Variants in ATP8A2 observed in about 807,000 individuals in gnomAD.
The protein encoded by ATP8A2 is phospholipid-transporting ATPase IB.
A neutral mutation model predicts 165.6 loss-of-function variants in ATP8A2; 100 were observed. That is an observed-to-expected ratio of 0.60 (90% confidence interval 0.51 to 0.71). The LOEUF (loss-of-function observed/expected upper bound fraction) is 0.71. ATP8A2 is among the 30% of genes least tolerant of loss of function. The pLI is 0.00. For synonymous variants in ATP8A2, 543 were observed against 548.8 expected, an observed-to-expected ratio of 0.99 and a Z score of 0.15; for missense variants, 1,227 against 1,479.5, an observed-to-expected ratio of 0.83 and a Z score of 2.80.
chr13:25,536,002 C>G (rs1468447357), intron 6 of ATP8A2, among the ~76,000 whole-genome samples: 2 of 151,982 alleles, frequency 1.3e-5, no homozygotes, highest in Non-Finnish European at 1.5e-5. Context: ...AATCCACTGC[C>G]TTTTTTCATT....
At chr13:25,470,260 G>T (rs911798325) in intron 2 of ATP8A2, among the ~76,000 whole-genome samples, 6 of 152,114 alleles carry the variant, frequency 3.9e-5, no homozygotes, top group African/African-American at 1.4e-4. Flanking sequence ...GCTTTATTTT[G>T]GGTTTTAAGA....
chr13:25,902,925 T>C (rs1261058586), intron 33 of ATP8A2, among the ~76,000 whole-genome samples: 4 of 121,952 alleles, frequency 3.3e-5, no homozygotes, highest in African/African-American at 9.3e-5. Flanking sequence ...ACTGACTTTA[T>C]ACATCCTCAG....
At chr13:25,936,925 A>T (rs1954908482) in intron 33 of ATP8A2, among the ~76,000 whole-genome samples, 1 of 152,146 alleles carries the variant, frequency 6.6e-6, no homozygotes, top group Admixed American at 6.5e-5. Flanking sequence ...TGAACCACCC[A>T]CCTACAGCCC....
At chr13:26,019,223 G>A (rs568702911) in intron 36 of ATP8A2, among the ~76,000 whole-genome samples, 13 of 151,596 alleles carry the variant, frequency 8.6e-5, no homozygotes, top group Non-Finnish European at 1.3e-4. Flanking sequence ...GTGAAACCCC[G>A]TCTCTACTAA....
chr13:25,991,609 G>A (rs936805635), intron 35 of ATP8A2, among the ~76,000 whole-genome samples: 3 of 152,146 alleles, frequency 2.0e-5, no homozygotes, highest in Non-Finnish European at 4.4e-5. Flanking sequence ...GTAACCTTTT[G>A]TTAGTGACAT....
At chr13:25,796,085 G>A (rs1210817665) in intron 27 of ATP8A2, among the ~76,000 whole-genome samples, 1 of 151,974 alleles carries the variant, frequency 6.6e-6, no homozygotes, top group African/African-American at 2.4e-5. Context: ...TAGTAGCTGG[G>A]ATTACAAGCA....
At chr13:25,574,058 G>A (rs1225051350) in intron 18 of ATP8A2, among the ~76,000 whole-genome samples, 1 of 152,182 alleles carries the variant, frequency 6.6e-6, no homozygotes, top group Non-Finnish European at 1.5e-5. Context: ...GGTGCCAAAG[G>A]CCATGTTCTT....
At chr13:25,717,811 G>A (rs929122365) in intron 25 of ATP8A2, among the ~76,000 whole-genome samples, 5 of 152,168 alleles carry the variant, frequency 3.3e-5, no homozygotes, top group Admixed American at 1.3e-4. Context: ...TGCTGGTCTT[G>A]TAGTATGTGC....
rs374909135 is a variant in ATP8A2 at position 25,451,954 on chromosome 13, G to C, written c.77-17023G>C. ...ACTGTGACCTCCGCCTCCTGGGTTC[G>C]CGCCATTCTCCTGCCTCAGCCTCCC... On this transcript the variant is annotated intron_variant, in intron 1 of 36. Transcript: ENST00000381655. Among the ~76,000 whole-genome samples the C allele has an allele frequency of 4.6e-5, 7 of 150,764 alleles. No homozygotes were observed. The East Asian group carries it at 7.8e-4, about 17-fold the overall frequency.
chr13:25,655,817 A>G (rs553223995), intron 24 of ATP8A2, among the ~76,000 whole-genome samples: 11 of 152,294 alleles, frequency 7.2e-5, no homozygotes, highest in Non-Finnish European at 1.5e-4. Flanking sequence ...GTTTAAATGA[A>G]TCACTTATAA....
chr13:25,559,695 C>T, intron 14 of ATP8A2, 26 bp from the exon 15 acceptor site: 1 of 1,600,522 alleles, frequency 6.2e-7, no homozygotes, highest in Middle Eastern at 1.7e-4. Flanking sequence ...GTTTTGTGAC[C>T]ACTCTGTTTT....
At chr13:25,379,452 A>G (rs977336110) in intron 1 of ATP8A2, among the ~76,000 whole-genome samples, 6 of 152,158 alleles carry the variant, frequency 3.9e-5, no homozygotes, top group Non-Finnish European at 5.9e-5. Flanking sequence ...AATATCGGGG[A>G]GCAGTTCATT....
In ATP8A2 at chr13:25,837,563, C is replaced by T. The variant is rs559425494; in HGVS notation, c.2877+278C>T. ...CCAGTCCCAGCATGCTGACTCCTTCCCGCTTCTCCCCGTCAGCCCCTGACA... is the reference window on the plus strand; with the variant it reads ...CCAGTCCCAGCATGCTGACTCCTTCTCGCTTCTCCCCGTCAGCCCCTGACA... On this transcript the variant is annotated intron_variant, in intron 29 of 36. Coordinates refer to ENST00000381655, the MANE Select transcript of ATP8A2 (RefSeq NM_016529.6). Among the ~76,000 whole-genome samples, 3 of 152,146 alleles carry T rather than the reference C, an allele frequency of 2.0e-5. No individual in the cohort carries two copies. In the East Asian group the frequency reaches 5.8e-4, roughly 29 times the overall value.
At chr13:25,419,715 C>G (rs1172503418) in intron 1 of ATP8A2, among the ~76,000 whole-genome samples, 3 of 152,100 alleles carry the variant, frequency 2.0e-5, no homozygotes, top group African/African-American at 7.2e-5. Flanking sequence ...GATATAATAT[C>G]TTGCTTCAGG....
chr13:25,825,429 G>C (rs1415071789), intron 27 of ATP8A2, among the ~76,000 whole-genome samples: 1 of 151,778 alleles, frequency 6.6e-6, no homozygotes, highest in Non-Finnish European at 1.5e-5. Flanking sequence ...AAAGTGCTGG[G>C]ATTACAGGCA....
At chr13:25,405,503 A>G (rs2033773192) in intron 1 of ATP8A2, among the ~76,000 whole-genome samples, 1 of 152,032 alleles carries the variant, frequency 6.6e-6, no homozygotes, top group Non-Finnish European at 1.5e-5. Context: ...CAGCAGGTGT[A>G]TCCTCCCTCG....
At chr13:25,447,008 A>G (rs1376244589) in intron 1 of ATP8A2, among the ~76,000 whole-genome samples, 1 of 152,182 alleles carries the variant, frequency 6.6e-6, no homozygotes, top group Non-Finnish European at 1.5e-5. Context: ...GGCATGAACC[A>G]CCACACCTGG....
intron 6 of ATP8A2, chr13:25,534,193 CCCTTTAAAGAAATTTCT>C (rs752573573): frequency 1.9e-6 from 1 of 532,936 alleles, no homozygotes. Context: ...GAATTCGCCA[CCCTTTAAAGAAATTTCT>C]CCTTTATAGT....
intron 11 of ATP8A2, among the ~76,000 whole-genome samples, chr13:25,553,255 A>G (rs1287566561): frequency 6.9e-6 from 1 of 144,792 alleles, no homozygotes; most frequent in African/African-American, 2.6e-5. Flanking sequence ...TCCATCCCCT[A>G]GGGTCCTGTT....
Sources: allele counts gnomAD v4.1 joint callset (sites outside exome capture counted in the v4.1 genomes callset), GRCh38; gene constraint gnomAD v4.1.1; transcripts MANE v1.5; gene names NCBI Gene and HGNC (gene_info 2026-07-23, HGNC 2026-07-21).